Variants in GREB1L observed in about 807,000 individuals in gnomAD.
GREB1L encodes the protein GREB1-like protein.
In GREB1L, 17 loss-of-function variants were observed where a neutral mutation model predicts 200.8. That is an observed-to-expected ratio of 0.08 (90% CI 0.06 to 0.13). The LOEUF (loss-of-function observed/expected upper bound fraction) is 0.13, where lower values mean the gene tolerates loss of function less well. GREB1L is among the 10% of genes least tolerant of loss of function. GREB1L has a pLI of 1.00. For synonymous variants in GREB1L, 789 were observed against 893.0 expected (o/e 0.88, Z 2.08); for missense variants, 1,657 against 2,367.7 (o/e 0.70, Z 6.23).
chr18:21,332,666 G>A (rs2039123081), intron 1 of GREB1L, among the ~76,000 whole-genome samples: 2 of 151,956 alleles, frequency 1.3e-5, no homozygotes, highest in South Asian at 4.2e-4. Flanking sequence ...GTAGAGGTGG[G>A]TTTTCACCAT....
At chr18:21,432,226 A>G (rs2033216092) in intron 7 of GREB1L, among the ~76,000 whole-genome samples, 1 of 151,976 alleles carries the variant, frequency 6.6e-6, no homozygotes, top group Non-Finnish European at 1.5e-5. Context: ...CCCGGCCTAG[A>G]GTCTATTTCT....
chr18:21,445,261 G>T lies in GREB1L; in HGVS notation c.1393+852G>T, dbSNP rs184777243. On this transcript the variant is annotated intron_variant, in intron 11 of 32. Transcript: ENST00000424526. The stretch of plus-strand genomic sequence containing the variant: ...AGGCCAAGGTGGGCGGATCACCTGA[G>T]GTGGGGAGTTCGAGACCAGCCTGAC... 3.9e-5 allele frequency among the ~76,000 whole-genome samples: 6 copies of T among 152,364 alleles called. No individual in the cohort carries two copies. In the East Asian group the frequency reaches 9.6e-4, roughly 24 times the overall value.
chr18:21,496,680 G>A lies in GREB1L; in HGVS notation c.3373G>A (p.Ala1125Thr). The change falls in exon 21 of 33, where the codon GCT (alanine) becomes ACT (threonine). Residue 1125 changes from alanine to threonine, a missense_variant. Transcript: ENST00000424526. ...DLERPQSNSS[A>T]VTGTSGSIME... ...GGAGCGGCCCCAGAGCAACAGCAGC[G>A]CTGTCACAGGGACCTCGGGTCAGTA... The A allele has an allele frequency of 4.5e-6, 7 of 1,551,478 alleles. No individual in the cohort carries two copies. The highest frequency in any genetic ancestry group is 1.4e-5 in the African/African-American group (1 of 73,154).
chr18:21,477,471 T>C, intron 17 of GREB1L, 115 bp downstream of exon 17: 1 of 826,466 alleles, frequency 1.2e-6, no homozygotes. Context: ...ATTCAAAATC[T>C]AACGTAATGC....
intron 1 of GREB1L, among the ~76,000 whole-genome samples, chr18:21,329,968 T>G (rs1567939275): frequency 1.9e-5 from 2 of 107,448 alleles, no homozygotes; most frequent in East Asian, 2.8e-4. Flanking sequence ...GGTTTTTTTT[T>G]TGGGGGGGGG....
intron 1 of GREB1L, among the ~76,000 whole-genome samples, chr18:21,285,098 TA>T (rs2038333325): frequency 6.6e-6 from 1 of 152,196 alleles, no homozygotes; most frequent in South Asian, 2.1e-4. Context: ...ATAAACGGCT[TA>T]AAAATGTTTT....
rs2117318 is a variant in GREB1L at position 21,467,942 on chromosome 18, A to C, written c.2183-5089A>C. 2.6e-5 allele frequency among the ~76,000 whole-genome samples: 4 copies of C among 151,346 alleles called. No homozygotes were observed. The South Asian group carries it at 8.4e-4, about 32-fold the overall frequency. On this transcript the variant is annotated intron_variant, in intron 15 of 32. Transcript: ENST00000424526. The stretch of plus-strand genomic sequence containing the variant: ...CAGGAGGCTGAGGCAGGAGAATGGC[A>C]TGAACCCGGGAGGTGGAGCTCACAG...
chr18:21,454,687 A>G, intron 15 of GREB1L, 124 bp downstream of exon 15: 1 of 777,054 alleles, frequency 1.3e-6, no homozygotes. Context: ...TAAAAATCAT[A>G]AAAGCACTTT....
At chr18:21,447,245 A>G (rs2034273429) in intron 11 of GREB1L, among the ~76,000 whole-genome samples, 1 of 152,128 alleles carries the variant, frequency 6.6e-6, no homozygotes, top group Non-Finnish European at 1.5e-5. Flanking sequence ...TGATTGTGCC[A>G]CTGTACTCCA....
chr18:21,517,920 CT>C, intron 30 of GREB1L, 113 bp from the exon 31 acceptor site: 1 of 765,088 alleles, frequency 1.3e-6, no homozygotes, highest in South Asian at 1.8e-5. Context: ...CCTAGCACCC[CT>C]CACTGTGCTA....
chr18:21,424,537 C>T (rs980335997), intron 7 of GREB1L, among the ~76,000 whole-genome samples: 1 of 152,074 alleles, frequency 6.6e-6, no homozygotes, highest in Non-Finnish European at 1.5e-5. Context: ...CCACTGCACT[C>T]CAGCCTGGGT....
chr18:21,330,962 G>GTA (rs2039098491), intron 1 of GREB1L, among the ~76,000 whole-genome samples: 1 of 152,144 alleles, frequency 6.6e-6, no homozygotes, highest in South Asian at 2.1e-4. Flanking sequence ...TCTGCATACA[G>GTA]TATAGGTTAT....
intron 15 of GREB1L, chr18:21,468,913 A>G (rs952771908): frequency 7.3e-6 from 3 of 410,656 alleles, no homozygotes; most frequent in Non-Finnish European, 1.5e-5. Flanking sequence ...AGAAAACCAC[A>G]AAAGTGATAC....
chr18:21,376,367 C>T (rs1309047622), intron 2 of GREB1L, among the ~76,000 whole-genome samples: 1 of 151,166 alleles, frequency 6.6e-6, no homozygotes, highest in African/African-American at 2.4e-5. Flanking sequence ...GATCCACCCA[C>T]CACCTCAGCT....
At chr18:21,375,690 G>A (rs2040043406) in intron 2 of GREB1L, among the ~76,000 whole-genome samples, 4 of 152,108 alleles carry the variant, frequency 2.6e-5, no homozygotes, top group Admixed American at 2.0e-4. Flanking sequence ...AAACTGATTT[G>A]GTTCTACCCT....
At chr18:21,394,141 T>C (rs1212652342) in intron 4 of GREB1L, among the ~76,000 whole-genome samples, 1 of 152,132 alleles carries the variant, frequency 6.6e-6, no homozygotes. Context: ...TGGCTCCATG[T>C]TCAGATTTTC....
At chr18:21,382,706 G>T (rs1307383319) in intron 2 of GREB1L, among the ~76,000 whole-genome samples, 1 of 151,970 alleles carries the variant, frequency 6.6e-6, no homozygotes, top group Non-Finnish European at 1.5e-5. Flanking sequence ...AGCCAGGCTG[G>T]TCGCAATCTC....
intron 15 of GREB1L, among the ~76,000 whole-genome samples, chr18:21,467,246 C>A (rs1015543776): frequency 1.3e-5 from 2 of 152,128 alleles, no homozygotes; most frequent in Non-Finnish European, 2.9e-5. Context: ...ATAAACTGGA[C>A]AATCCTCAAA....
intron 1 of GREB1L, among the ~76,000 whole-genome samples, chr18:21,284,834 A>G (rs2038327837): frequency 6.6e-6 from 1 of 152,130 alleles, no homozygotes; most frequent in Admixed American, 6.5e-5. Context: ...ATCCTCACCA[A>G]CACTAGCTAC....
Sources: gnomAD v4.1 joint callset for allele counts (sites outside exome capture counted in the v4.1 genomes callset) on GRCh38, gnomAD v4.1.1 for gene constraint, MANE v1.5 for transcripts, NCBI Gene and HGNC (gene_info 2026-07-23, HGNC 2026-07-21) for gene names.